Variants in RYR3 observed in about 807,000 individuals in gnomAD.
The protein encoded by RYR3 is ryanodine receptor 3.
In RYR3, 207 loss-of-function variants were observed where a neutral mutation model predicts 584.3. The ratio of observed to expected loss-of-function variants is 0.35; its 90% CI spans 0.32 to 0.40. The LOEUF (loss-of-function observed/expected upper bound fraction) is 0.40, where lower values mean the gene tolerates loss of function less well. Ranked by LOEUF, RYR3 falls within the 10% of genes least tolerant of loss-of-function variation. The pLI is 1.00. For missense variants in RYR3, 5,616 were observed against 6,089.2 expected, an observed-to-expected ratio of 0.92 and a Z score of 2.59; for synonymous variants, 2,416 against 2,248.5, an observed-to-expected ratio of 1.07 and a Z score of -2.11.
intron 3 of RYR3, among the ~76,000 whole-genome samples, chr15:33,529,024 TA>T (rs910794148): frequency 2.0e-5 from 3 of 152,206 alleles, no homozygotes; most frequent in African/African-American, 7.2e-5. Flanking sequence ...TGTAATAATA[TA>T]AGTGGATAAG....
intron 67 of RYR3, among the ~76,000 whole-genome samples, chr15:33,795,854 G>A (rs558026083): frequency 6.6e-6 from 1 of 152,162 alleles, no homozygotes; most frequent in South Asian, 2.1e-4. Context: ...CTTTCTAAAA[G>A]GCAATCGGCT....
At chr15:33,553,323 G>A (rs2056824093) in intron 10 of RYR3, among the ~76,000 whole-genome samples, 1 of 152,180 alleles carries the variant, frequency 6.6e-6, no homozygotes, top group East Asian at 1.9e-4. Context: ...CACATTTTCT[G>A]TCAGGTTGCA....
intron 28 of RYR3, among the ~76,000 whole-genome samples, chr15:33,645,083 C>A (rs1479600115): frequency 3.3e-5 from 5 of 152,018 alleles, no homozygotes; most frequent in Admixed American, 1.3e-4. Context: ...ATATACTGAA[C>A]ATGTATGTTG....
Position 33,580,120 on chromosome 15 carries a change from C to T in RYR3, c.1413C>T (p.Asn471=), listed in dbSNP as rs202001689. 1 of 1,609,482 alleles carries T rather than the reference C, an allele frequency of 6.2e-7. No individual in the cohort carries two copies. Among genetic ancestry groups the T allele is most frequent in the Non-Finnish European group, 8.5e-7 (1 of 1,177,938 alleles). The change falls in exon 13 of 104, where the codon AAC becomes AAT. Residue 471 remains asparagine, a synonymous_variant. Transcript: ENST00000634891. ...DKQNKLRSLK[N]RQNLFKEEGM... is the part of the protein sequence containing the mutation. The stretch of plus-strand genomic sequence containing the variant: ...AGAACAAGCTCCGCTCACTCAAAAA[C>T]AGACAAAATCTTTTCAAGGAAGAGG...
intron 76 of RYR3, 35 bp from the exon 77 acceptor site, chr15:33,819,721 A>G (rs1175325131): frequency 2.6e-6 from 3 of 1,166,904 alleles, no homozygotes; most frequent in South Asian, 2.3e-5. Flanking sequence ...TAAATAAATA[A>G]AAAGCCTGCT....
intron 1 of RYR3, among the ~76,000 whole-genome samples, chr15:33,430,611 A>T (rs188249239): frequency 2.0e-5 from 3 of 152,284 alleles, no homozygotes; most frequent in Admixed American, 2.0e-4. Flanking sequence ...CGGGCCAGAG[A>T]ATCCATTTGG....
chr15:33,668,186 G>A (rs375996440), intron 36 of RYR3, among the ~76,000 whole-genome samples: 83 of 151,692 alleles, frequency 5.5e-4, no homozygotes, highest in African/African-American at 1.7e-3. Context: ...GCGTGTTGGC[G>A]GGCGCCTGTG....
intron 4 of RYR3, 124 bp downstream of exon 4, chr15:33,530,790 A>G: frequency 1.4e-6 from 1 of 712,178 alleles, no homozygotes; most frequent in Non-Finnish European, 2.4e-6. Context: ...TAATTTTAGC[A>G]CGTTATCCTC....
chr15:33,720,127 C>G (rs1460268464), intron 43 of RYR3, among the ~76,000 whole-genome samples: 2 of 152,154 alleles, frequency 1.3e-5, no homozygotes, highest in Non-Finnish European at 2.9e-5. Flanking sequence ...AAATTTTTTT[C>G]TGGATTGAGC....
intron 1 of RYR3, among the ~76,000 whole-genome samples, chr15:33,386,126 GT>G (rs1428543347): frequency 6.6e-6 from 1 of 152,106 alleles, no homozygotes; most frequent in African/African-American, 2.4e-5. Flanking sequence ...ATATCAATTT[GT>G]CTTAAGGTGG....
intron 2 of RYR3, among the ~76,000 whole-genome samples, chr15:33,475,422 G>A (rs1308513007): frequency 6.6e-6 from 1 of 152,092 alleles, no homozygotes; most frequent in Non-Finnish European, 1.5e-5. Flanking sequence ...TCAGATCATC[G>A]GGCATTAGAT....
intron 67 of RYR3, among the ~76,000 whole-genome samples, chr15:33,791,493 T>G (rs1388397761): frequency 6.6e-6 from 1 of 152,012 alleles, no homozygotes; most frequent in Non-Finnish European, 1.5e-5. Context: ...GGAATGAAGA[T>G]GGGGAAAGGT....
At chr15:33,461,830 AC>A (rs2048062697) in intron 1 of RYR3, among the ~76,000 whole-genome samples, 2 of 152,138 alleles carry the variant, frequency 1.3e-5, no homozygotes, top group African/African-American at 2.4e-5. Context: ...AACCAGTGCA[AC>A]CCCAAGCCTG....
intron 1 of RYR3, among the ~76,000 whole-genome samples, chr15:33,343,355 A>G (rs1418665746): frequency 6.6e-6 from 1 of 152,144 alleles, no homozygotes; most frequent in East Asian, 1.9e-4. Context: ...TTCATCTTCT[A>G]TTCCCTATCT....
intron 47 of RYR3, among the ~76,000 whole-genome samples, chr15:33,729,908 T>G (rs2068800136): frequency 6.6e-6 from 1 of 152,138 alleles, no homozygotes; most frequent in African/African-American, 2.4e-5. Context: ...TTGGATGGAT[T>G]CCACCTGCAT....
intron 1 of RYR3, among the ~76,000 whole-genome samples, chr15:33,463,026 G>A (rs533740070): frequency 1.3e-5 from 2 of 152,048 alleles, no homozygotes; most frequent in East Asian, 1.9e-4. Context: ...ACAAAAATTA[G>A]CCAGGCGCAC....
chr15:33,347,298 T>A (rs1414924808), intron 1 of RYR3, among the ~76,000 whole-genome samples: 3 of 152,206 alleles, frequency 2.0e-5, no homozygotes, highest in Non-Finnish European at 4.4e-5. Context: ...ATGGAGGATG[T>A]CTTTTCTCCT....
At chr15:33,389,636 G>C (rs964716661) in intron 1 of RYR3, among the ~76,000 whole-genome samples, 3 of 152,148 alleles carry the variant, frequency 2.0e-5, no homozygotes, top group African/African-American at 7.2e-5. Flanking sequence ...GGAAAAATAT[G>C]AAAAATATTT....
chr15:33,674,335 T>C (rs2064026760), intron 38 of RYR3, among the ~76,000 whole-genome samples: 1 of 152,146 alleles, frequency 6.6e-6, no homozygotes, highest in South Asian at 2.1e-4. Flanking sequence ...CCAAAGAGCC[T>C]CTCCCTAAAC....
Sources: allele counts gnomAD v4.1 joint callset (sites outside exome capture counted in the v4.1 genomes callset), GRCh38; gene constraint gnomAD v4.1.1; transcripts MANE v1.5; gene names NCBI Gene and HGNC (gene_info 2026-07-23, HGNC 2026-07-21).